Variants in FMN1 observed in about 807,000 individuals in gnomAD.
FMN1 encodes the protein formin-1.
In FMN1, 110 loss-of-function variants were observed where a neutral mutation model predicts 132.4. The observed-to-expected ratio is 0.83, with a 90% CI of 0.71 to 0.97. FMN1 has a LOEUF of 0.97. Among genes scored for constraint, FMN1 ranks in the 50% least tolerant of loss-of-function variants. FMN1 has a pLI of 0.00. For synonymous variants in FMN1, 722 were observed against 651.7 expected, an observed-to-expected ratio of 1.11 and a Z score of -1.64; for missense variants, 1,792 against 1,705.3, an observed-to-expected ratio of 1.05 and a Z score of -0.90.
intron 6 of FMN1, among the ~76,000 whole-genome samples, chr15:33,033,019 A>T (rs2036011303): frequency 6.6e-6 from 1 of 151,922 alleles, no homozygotes. Flanking sequence ...TTTTACTATT[A>T]CTGTTTCGTT....
chr15:32,866,056 C>T (rs1299422116), intron 16 of FMN1, among the ~76,000 whole-genome samples: 2 of 151,668 alleles, frequency 1.3e-5, no homozygotes. Flanking sequence ...CTTTGAGGAA[C>T]ATCACACAAC....
intron 5 of FMN1, among the ~76,000 whole-genome samples, chr15:33,088,392 G>A (rs1566904910): frequency 6.6e-6 from 1 of 152,178 alleles, no homozygotes. Flanking sequence ...AATATGGAAG[G>A]AAGGCAGGGT....
intron 7 of FMN1, among the ~76,000 whole-genome samples, chr15:32,992,677 C>A (rs575562017): frequency 6.6e-6 from 1 of 152,150 alleles, no homozygotes; most frequent in South Asian, 2.1e-4. Flanking sequence ...ATATCCTAAT[C>A]ATTTTCCTGT....
intron 2 of FMN1, among the ~76,000 whole-genome samples, chr15:33,182,721 A>G (rs999015305): frequency 3.9e-5 from 6 of 152,052 alleles, no homozygotes; most frequent in African/African-American, 1.5e-4. Flanking sequence ...TCTACCTCTC[A>G]CTGGATGAAT....
At chr15:33,064,419 G>C (rs2037622568) in intron 6 of FMN1, 1 of 152,112 alleles carries the variant, frequency 6.6e-6, no homozygotes, top group Non-Finnish European at 1.5e-5. Context: ...TTCAAGTAAA[G>C]TTCCTAGGCA....
At chr15:32,899,157 A>G (rs1407327539) in intron 14 of FMN1, among the ~76,000 whole-genome samples, 1 of 148,552 alleles carries the variant, frequency 6.7e-6, no homozygotes, top group Non-Finnish European at 1.5e-5. Context: ...AAACAAACAA[A>G]AAAGTTGTGT....
chr15:32,913,495 C>T (rs940677402), intron 10 of FMN1, among the ~76,000 whole-genome samples: 3 of 152,156 alleles, frequency 2.0e-5, no homozygotes, highest in Non-Finnish European at 4.4e-5. Flanking sequence ...TCTCCATGCA[C>T]CATGGGTTCC....
At chr15:32,897,174 T>C (rs2060180257) in intron 15 of FMN1, among the ~76,000 whole-genome samples, 1 of 152,200 alleles carries the variant, frequency 6.6e-6, no homozygotes, top group South Asian at 2.1e-4. Context: ...TGCATTTCCC[T>C]GGATGATTAG....
chr15:32,827,559 A>T (rs544261332), intron 17 of FMN1, among the ~76,000 whole-genome samples: 2 of 152,344 alleles, frequency 1.3e-5, no homozygotes, highest in East Asian at 3.9e-4. Context: ...CAATGAAGAA[A>T]GGACATACAG....
chr15:33,175,874 C>T (rs559156618), intron 3 of FMN1, among the ~76,000 whole-genome samples: 1 of 152,300 alleles, frequency 6.6e-6, no homozygotes. Flanking sequence ...TGAACTGAGG[C>T]TACAATGCCT....
intron 3 of FMN1, among the ~76,000 whole-genome samples, chr15:33,170,503 C>A (rs1170407912): frequency 6.6e-6 from 1 of 151,308 alleles, no homozygotes; most frequent in East Asian, 1.9e-4. Flanking sequence ...AACTTTTCAT[C>A]TGACAAGAAA....
chr15:33,126,343 T>C (rs1242870961), intron 4 of FMN1, among the ~76,000 whole-genome samples: 1 of 152,040 alleles, frequency 6.6e-6, no homozygotes, highest in Non-Finnish European at 1.5e-5. Context: ...AGGCAGAAGG[T>C]CACTGTGGGC....
At chr15:33,177,930 C>T (rs1965569606) in intron 3 of FMN1, among the ~76,000 whole-genome samples, 1 of 152,098 alleles carries the variant, frequency 6.6e-6, no homozygotes, top group South Asian at 2.1e-4. Context: ...ATTGCTTGAA[C>T]CCAGGAGGCA....
At position 32,829,003 on chromosome 15, in the gene FMN1, C is replaced by T. The variant is rs115655726; in HGVS notation, c.3929-24671G>A. On this transcript the variant is annotated intron_variant, in intron 17 of 20. Transcript: ENST00000616417. ...TACACATCGAATGTTTTGTCATCCC[C>T]TAGAGGAAAGACACTGGTGGATGGC... Among the ~76,000 whole-genome samples the T allele has an allele frequency of 5.1e-3, 782 of 152,278 alleles. 11 individuals carry two copies. Among genetic ancestry groups the T allele is most frequent in the African/African-American group, 0.018 (728 of 41,548 alleles).
At chr15:33,118,304 C>G (rs1282186344) in intron 4 of FMN1, among the ~76,000 whole-genome samples, 1 of 152,124 alleles carries the variant, frequency 6.6e-6, no homozygotes, top group Non-Finnish European at 1.5e-5. Context: ...AGTTTAACAT[C>G]CAGTCCATTT....
At chr15:32,841,339 G>A (rs1345394515) in intron 17 of FMN1, among the ~76,000 whole-genome samples, 1 of 152,124 alleles carries the variant, frequency 6.6e-6, no homozygotes, top group Non-Finnish European at 1.5e-5. Context: ...TTATTTTAAA[G>A]TAAGGCTTGT....
rs866396881 is a variant in FMN1, at chr15:33,005,310, C to T, written c.2223+2704G>A. On this transcript the variant is annotated intron_variant, in intron 7 of 20. Coordinates refer to ENST00000616417, the MANE Select transcript of FMN1 (RefSeq NM_001277313.2). ...TTAGGTAAACATCATAAATGTGGGG[C>T]AACAACAGTTGTTTAAGTGTACTAG... is the stretch of plus-strand genomic sequence containing the variant. Among the ~76,000 whole-genome samples, 177 of 151,852 alleles carry T rather than the reference C, an allele frequency of 1.2e-3. 1 individual carries two copies. The highest frequency in any genetic ancestry group is 3.8e-3 in the African/African-American group (158 of 41,412).
chr15:32,931,871 G>T (rs2061127183), intron 9 of FMN1, among the ~76,000 whole-genome samples: 1 of 152,106 alleles, frequency 6.6e-6, no homozygotes, highest in South Asian at 2.1e-4. Flanking sequence ...TCCTTCTAAA[G>T]AATATTTCCT....
intron 16 of FMN1, among the ~76,000 whole-genome samples, chr15:32,863,327 G>A (rs560295872): frequency 3.3e-5 from 5 of 152,262 alleles, no homozygotes; most frequent in African/African-American, 9.6e-5. Flanking sequence ...GTCCCAACTC[G>A]GGAGGCTGAG....
Sources: gnomAD v4.1 joint callset for allele counts (sites outside exome capture counted in the v4.1 genomes callset) on GRCh38, gnomAD v4.1.1 for gene constraint, MANE v1.5 for transcripts, NCBI Gene and HGNC (gene_info 2026-07-23, HGNC 2026-07-21) for gene names.